RAPGEF4: variants seen among roughly 807,000 people sequenced by gnomAD.
RAPGEF4 encodes Rap guanine nucleotide exchange factor 4, also known as RAP guanine-nucleotide-exchange factor (GEF) 4.
RAPGEF4 carries 66 observed loss-of-function variants against 147.9 expected under a neutral mutation model. The observed-to-expected ratio is 0.45, with a 90% CI of 0.37 to 0.55. The LOEUF (loss-of-function observed/expected upper bound fraction) is 0.55. Among genes scored for constraint, RAPGEF4 ranks in the 20% least tolerant of loss-of-function variants. The pLI, the probability that RAPGEF4 is intolerant of heterozygous loss-of-function variation, is 0.00. For missense variants in RAPGEF4, 1,071 were observed against 1,257.3 expected, an observed-to-expected ratio of 0.85 and a Z score of 2.24; for synonymous variants, 419 against 442.7, an observed-to-expected ratio of 0.95 and a Z score of 0.67.
chr2:172,851,744 A>G (rs1294773517), intron 4 of RAPGEF4, among the ~76,000 whole-genome samples: 2 of 152,190 alleles, frequency 1.3e-5, no homozygotes, highest in Admixed American at 6.5e-5. Flanking sequence ...GAGCTAAACA[A>G]TGAGAACACA....
chr2:172,982,334 G>C (rs954149079), intron 10 of RAPGEF4, among the ~76,000 whole-genome samples: 7 of 152,108 alleles, frequency 4.6e-5, no homozygotes, highest in Non-Finnish European at 8.8e-5. Flanking sequence ...GCACAAAATG[G>C]ATGGTTATGT....
chr2:172,860,254 T>C, intron 4 of RAPGEF4: 1 of 985,430 alleles, frequency 1.0e-6, no homozygotes, highest in Non-Finnish European at 1.2e-6. Context: ...AACTAGAATG[T>C]ACCCCTAGGG....
intron 26 of RAPGEF4, among the ~76,000 whole-genome samples, chr2:173,033,588 T>G (rs1250696326): frequency 6.6e-6 from 1 of 152,106 alleles, no homozygotes; most frequent in East Asian, 1.9e-4. Flanking sequence ...TTAAAAAGTG[T>G]GGGGGGAGGT....
intron 8 of RAPGEF4, chr2:172,965,295 C>G (rs1689709707): frequency 2.3e-6 from 1 of 431,478 alleles, no homozygotes; most frequent in Non-Finnish European, 4.2e-6. Context: ...CTCTAGCGGC[C>G]CCCTGGTCTC....
At chr2:172,767,431 G>A (rs997391731) in intron 1 of RAPGEF4, among the ~76,000 whole-genome samples, 2 of 151,804 alleles carry the variant, frequency 1.3e-5, no homozygotes, top group African/African-American at 2.4e-5. Flanking sequence ...CACCTGCCTC[G>A]GCCTCCCAAA....
chr2:173,026,546 A>T, intron 23 of RAPGEF4, 26 bp from the exon 24 acceptor site: 1 of 1,606,624 alleles, frequency 6.2e-7, no homozygotes, highest in African/African-American at 1.3e-5. Flanking sequence ...TGAGTTTCTG[A>T]TATGTTTTTG....
intron 12 of RAPGEF4, among the ~76,000 whole-genome samples, chr2:172,985,912 A>G (rs919708442): frequency 1.3e-5 from 2 of 152,170 alleles, no homozygotes; most frequent in African/African-American, 4.8e-5. Context: ...AAACCATCCT[A>G]CTTTATTTTT....
At chr2:172,905,469 A>G (rs1359406234) in intron 4 of RAPGEF4, among the ~76,000 whole-genome samples, 13 of 152,212 alleles carry the variant, frequency 8.5e-5, no homozygotes, top group South Asian at 2.1e-4. Context: ...TTCATAGGTA[A>G]TAATTCTGCT....
chr2:172,871,380 T>C (rs1639115829), intron 4 of RAPGEF4, among the ~76,000 whole-genome samples: 1 of 152,158 alleles, frequency 6.6e-6, no homozygotes, highest in Non-Finnish European at 1.5e-5. Flanking sequence ...TATGTGACAA[T>C]CATAGGAGAT....
intron 3 of RAPGEF4, among the ~76,000 whole-genome samples, chr2:172,813,239 C>T (rs1688187858): frequency 6.6e-6 from 1 of 152,180 alleles, no homozygotes; most frequent in Non-Finnish European, 1.5e-5. Flanking sequence ...GGCTTTCTAA[C>T]TCAGAGGATT....
At chr2:172,956,315 C>T (rs1387106656) in intron 6 of RAPGEF4, among the ~76,000 whole-genome samples, 1 of 152,194 alleles carries the variant, frequency 6.6e-6, no homozygotes, top group Non-Finnish European at 1.5e-5. Context: ...TGGTGCAACA[C>T]TTCCCGCATT....
chr2:173,015,622 G>A (rs1383501376), intron 18 of RAPGEF4, among the ~76,000 whole-genome samples: 4 of 152,172 alleles, frequency 2.6e-5, no homozygotes, highest in East Asian at 1.9e-4. Flanking sequence ...GCCTCTACCC[G>A]CTGAGTACAG....
chr2:172,894,214 G>T (rs1040776765), intron 4 of RAPGEF4: 8 of 152,362 alleles, frequency 5.3e-5, no homozygotes, highest in African/African-American at 1.9e-4. Context: ...TGCCTGTTTG[G>T]CATGGAGTGG....
intron 23 of RAPGEF4, among the ~76,000 whole-genome samples, chr2:173,024,858 C>T (rs1425964699): frequency 6.6e-6 from 1 of 152,188 alleles, no homozygotes; most frequent in South Asian, 2.1e-4. Context: ...ATGGGGACCC[C>T]CTGTGCTCTC....
chr2:172,931,712 G>A (rs1278524334), intron 6 of RAPGEF4, among the ~76,000 whole-genome samples: 1 of 152,162 alleles, frequency 6.6e-6, no homozygotes, highest in Non-Finnish European at 1.5e-5. Flanking sequence ...CTTGTTTGGG[G>A]CACATCGGAG....
intron 23 of RAPGEF4, among the ~76,000 whole-genome samples, chr2:173,024,724 G>T (rs368219534): frequency 1.6e-4 from 24 of 152,304 alleles, no homozygotes; most frequent in East Asian, 7.7e-4. Context: ...TTAGAGTAGG[G>T]TTTATATTCA....
At chr2:172,770,275 G>A (rs1697230010) in intron 1 of RAPGEF4, among the ~76,000 whole-genome samples, 1 of 152,142 alleles carries the variant, frequency 6.6e-6, no homozygotes, top group Admixed American at 6.5e-5. Context: ...TCTGTGGGTG[G>A]CCCTGATCAA....
chr2:172,965,652 A>G lies in RAPGEF4; in HGVS notation c.789A>G (p.Gln263=), dbSNP rs1210522802. ...GGACTCAAGCTGTTGGCATGTGGCA[A>G]GTCCTGTTAGAAGATGGTGTTCTCA... ...HSRTQAVGMW[Q]VLLEDGVLNH... Residue 263 remains glutamine, a synonymous_variant, in exon 9 of 31, where the codon CAA becomes CAG. Transcript: ENST00000397081. The G allele has an allele frequency of 6.2e-7, 1 of 1,614,192 alleles. No individual in the cohort carries two copies. Among genetic ancestry groups the G allele is most frequent in the South Asian group, 1.1e-5 (1 of 91,076 alleles).
At chr2:173,043,460 G>A (rs1473569598) in intron 29 of RAPGEF4, among the ~76,000 whole-genome samples, 1 of 152,248 alleles carries the variant, frequency 6.6e-6, no homozygotes, top group Non-Finnish European at 1.5e-5. Context: ...CTGTCTGGGA[G>A]CGGGAGGTCC....
Sources: allele counts gnomAD v4.1 joint callset (sites outside exome capture counted in the v4.1 genomes callset), GRCh38; gene constraint gnomAD v4.1.1; transcripts MANE v1.5; gene names NCBI Gene and HGNC (gene_info 2026-07-23, HGNC 2026-07-21).